The following SRD5A3 variants were observed in gnomAD, a reference collection of about 807,000 sequenced individuals.
The protein encoded by SRD5A3 is steroid 5 alpha-reductase 3.
In SRD5A3, 24 loss-of-function variants were observed where a neutral mutation model predicts 34.3. The ratio of observed to expected loss-of-function variants is 0.70; its 90% CI spans 0.51 to 0.99. The LOEUF is 0.99. SRD5A3 is among the 50% of genes least tolerant of loss of function. The pLI, the probability that SRD5A3 is intolerant of heterozygous loss-of-function variation, is 0.00. For synonymous variants in SRD5A3, 161 were observed against 167.3 expected (o/e 0.96, Z 0.29); for missense variants, 350 against 388.2 (o/e 0.90, Z 0.83).
chr4:55,368,875 A>C (rs1284801778), intron 4 of SRD5A3, among the ~76,000 whole-genome samples: 1 of 151,988 alleles, frequency 6.6e-6, no homozygotes, highest in Non-Finnish European at 1.5e-5. Context: ...AGTAGTTGGG[A>C]TTACAGGCGT....
At chr4:55,368,686 A>G (rs2109486764) in intron 4 of SRD5A3, among the ~76,000 whole-genome samples, 1 of 151,736 alleles carries the variant, frequency 6.6e-6, no homozygotes, top group African/African-American at 2.4e-5. Flanking sequence ...TCGGCCTCCC[A>G]AAGTGCTGGG....
intron 2 of SRD5A3, among the ~76,000 whole-genome samples, chr4:55,360,880 G>A (rs1347385900): frequency 6.6e-6 from 1 of 151,924 alleles, no homozygotes; most frequent in East Asian, 1.9e-4. Context: ...TAGAGAGATG[G>A]TGTTTCTCCA....
At chr4:55,354,701 C>G (rs1719370860) in intron 1 of SRD5A3, among the ~76,000 whole-genome samples, 1 of 152,218 alleles carries the variant, frequency 6.6e-6, no homozygotes, top group Non-Finnish European at 1.5e-5. Context: ...CCCTCCCTGT[C>G]TATTGTGTTT....
chr4:55,351,415 C>T (rs574483094), intron 1 of SRD5A3, among the ~76,000 whole-genome samples: 129 of 152,126 alleles, frequency 8.5e-4, no homozygotes, highest in African/African-American at 2.9e-3. Context: ...TTCAAAACAG[C>T]ATCAAAAAGT....
chr4:55,371,108 A>G lies in SRD5A3; in HGVS notation c.*1017A>G, dbSNP rs1376555385. 1 of 152,194 alleles carries G rather than the reference A, an allele frequency of 6.6e-6. No homozygotes were observed. The highest frequency in any genetic ancestry group is 2.4e-5 in the African/African-American group (1 of 41,436). 9.4% of individuals were successfully genotyped at this position (152,194 alleles called of 1,614,324 possible). ...ATCCTTTGAAGGGAGTGCTTCAAAA[A>G]TGAAAGCATCAGAAGATAAAATATT... On this transcript the variant is annotated 3_prime_UTR_variant, in exon 5 of 5. Coordinates refer to ENST00000264228, the MANE Select transcript of SRD5A3 (RefSeq NM_024592.5).
intron 1 of SRD5A3, among the ~76,000 whole-genome samples, chr4:55,348,845 G>A (rs1254210609): frequency 6.6e-6 from 1 of 152,152 alleles, no homozygotes; most frequent in Admixed American, 6.5e-5. Flanking sequence ...CTTATCCTCT[G>A]GTATACTTCG....
At chr4:55,369,666 G>C in intron 4 of SRD5A3, 166 bp from the exon 5 acceptor site, 1 of 739,806 alleles carries the variant, frequency 1.4e-6, no homozygotes, top group Non-Finnish European at 2.2e-6. Context: ...GGAAGGTTGA[G>C]ACTACAGTGA....
At chr4:55,367,892 C>T (rs1007723667) in intron 4 of SRD5A3, among the ~76,000 whole-genome samples, 170 bp downstream of exon 4, 2 of 152,090 alleles carry the variant, frequency 1.3e-5, no homozygotes, top group African/African-American at 4.8e-5. Flanking sequence ...AAATGAGAGC[C>T]TTACATTGAA....
chr4:55,370,005 T>A lies in SRD5A3; in HGVS notation c.871T>A (p.Ser291Thr), dbSNP rs1170808710. The change falls in exon 5 of 5, where the codon TCT becomes ACT. Residue 291 changes from serine (S) to threonine (T), a missense_variant. Physicochemically the swap from Ser to Thr is moderately conservative, Grantham distance 58. Coordinates refer to ENST00000264228, the MANE Select transcript of SRD5A3 (RefSeq NM_024592.5). ...AAATGTCTTCTTTAATCAGGCCCTG[T>A]CTGCCTTTCTCAGCCACCAATTCTA... ...VTNVFFNQALSAFLSHQFYKS... is the reference protein window; with the variant it reads ...VTNVFFNQALTAFLSHQFYKS... The A allele has an allele frequency of 1.2e-6, 2 of 1,614,182 alleles. No homozygotes were observed. Among genetic ancestry groups the A allele is most frequent in the East Asian group, 4.5e-5 (2 of 44,888 alleles).
At chr4:55,354,018 G>T (rs944942509) in intron 1 of SRD5A3, among the ~76,000 whole-genome samples, 1 of 152,228 alleles carries the variant, frequency 6.6e-6, no homozygotes, top group Non-Finnish European at 1.5e-5. Context: ...GATCTAGCCA[G>T]AACTCAGTAA....
chr4:55,362,825 T>C (rs1719734882), intron 2 of SRD5A3, among the ~76,000 whole-genome samples: 2 of 150,756 alleles, frequency 1.3e-5, no homozygotes, highest in Admixed American at 1.3e-4. Flanking sequence ...TGCGTGTGTG[T>C]GTGTTTGTGT....
At chr4:55,346,584 G>A (rs1419329597) in intron 1 of SRD5A3, 27 bp downstream of exon 1, 3 of 1,553,694 alleles carry the variant, frequency 1.9e-6, no homozygotes, top group Admixed American at 1.9e-5. Flanking sequence ...CCCGAGCCGC[G>A]GTGGTCAAGG....
chr4:55,354,212 C>T (rs1432078278), intron 1 of SRD5A3, among the ~76,000 whole-genome samples: 3 of 152,132 alleles, frequency 2.0e-5, no homozygotes, highest in African/African-American at 7.2e-5. Context: ...ATTCTCGTGT[C>T]TCAGCCTCCC....
In SRD5A3 at chr4:55,364,145, G is replaced by A. The variant is rs772795484; in HGVS notation, c.436G>A (p.Glu146Lys). Reference protein sequence around the residue: ...LWLHSLRRLFECLYVSVFSNV... With the variant: ...LWLHSLRRLFKCLYVSVFSNV... ...GCTGCACAGCTTACGAAGACTCTTC[G>A]AGTGCCTCTACGTCAGTGTCTTCTC... Residue 146 changes from glutamate to lysine, a missense_variant, in exon 3 of 5, where the codon GAG becomes AAG. Physicochemically the swap from Glu to Lys is moderately conservative, Grantham distance 56 (BLOSUM62 1). This residue lies in a region of SRD5A3 where 186 missense variants were observed against 221.4 expected (regional missense o/e 0.84). Transcript: ENST00000264228. 27 of 1,614,034 alleles carry A rather than the reference G, an allele frequency of 1.7e-5. No homozygotes were observed. Among genetic ancestry groups the A allele is most frequent in the African/African-American group, 2.7e-5 (2 of 74,910 alleles).
In SRD5A3 at chr4:55,370,219, C is replaced by A; in HGVS notation, c.*128C>A. 8.0e-7 allele frequency: 1 copy of A among 1,244,848 alleles called. No homozygotes were observed. The highest frequency in any genetic ancestry group is 1.2e-6 in the Non-Finnish European group (1 of 866,374). The allele number at this position is 1,244,848 out of a possible 1,614,324, so 77.1% of individuals were successfully genotyped here. On this transcript the variant is annotated 3_prime_UTR_variant, in exon 5 of 5. Transcript: ENST00000264228. The stretch of plus-strand genomic sequence containing the variant: ...CTCTCCATTCCATTTCTATACCCCA[C>A]AAGTTTTCACTGAATGAGCATGGCA...
chr4:55,369,237 T>G (rs116087631), intron 4 of SRD5A3, among the ~76,000 whole-genome samples: 4 of 152,170 alleles, frequency 2.6e-5, no homozygotes, highest in Non-Finnish European at 5.9e-5. Flanking sequence ...AGAGCCAGGA[T>G]TTAAACTTGT....
At chr4:55,348,472 A>G (rs1215442511) in intron 1 of SRD5A3, among the ~76,000 whole-genome samples, 2 of 152,182 alleles carry the variant, frequency 1.3e-5, no homozygotes. Context: ...GTAAGAGTCT[A>G]TGGCCTCTTT....
At chr4:55,353,919 A>G (rs944166528) in intron 1 of SRD5A3, among the ~76,000 whole-genome samples, 1 of 152,210 alleles carries the variant, frequency 6.6e-6, no homozygotes, top group East Asian at 1.9e-4. Flanking sequence ...AGCAAGACCA[A>G]GAACCCACCA....
chr4:55,367,772 T>C, intron 4 of SRD5A3, 50 bp downstream of exon 4: 1 of 1,610,876 alleles, frequency 6.2e-7, no homozygotes, highest in Non-Finnish European at 8.5e-7. Context: ...CCTCAGAAGT[T>C]AGTTCTCCAT....
Sources: gnomAD v4.1 joint callset for allele counts (sites outside exome capture counted in the v4.1 genomes callset) on GRCh38, gnomAD v4.1.1 for gene constraint, gnomAD v4.1.1 regional missense constraint, MANE v1.5 for transcripts, NCBI Gene and HGNC (gene_info 2026-07-23, HGNC 2026-07-21) for gene names.